The following CAMTA1 variants were observed in gnomAD, a reference collection of about 807,000 sequenced individuals.
The protein encoded by CAMTA1 is calmodulin-binding transcription activator 1.
Under a neutral mutation model 170.9 loss-of-function variants are expected in CAMTA1, and 27 were observed. The observed-to-expected ratio is 0.16, with a 90% CI of 0.12 to 0.22. The LOEUF (loss-of-function observed/expected upper bound fraction) is 0.22, where lower values mean the gene tolerates loss of function less well. Ranked by LOEUF, CAMTA1 falls within the 10% of genes least tolerant of loss-of-function variation. The pLI is 1.00. For synonymous variants in CAMTA1, 833 were observed against 891.5 expected, an observed-to-expected ratio of 0.93 and a Z score of 1.17; for missense variants, 1,619 against 2,217.2, an observed-to-expected ratio of 0.73 and a Z score of 5.42.
chr1:6,896,548 T>G (rs967413931), intron 3 of CAMTA1, among the ~76,000 whole-genome samples: 5 of 152,168 alleles, frequency 3.3e-5, no homozygotes, highest in Non-Finnish European at 7.4e-5. Context: ...ATCTAAACTT[T>G]GGTCAGCCAC....
intron 11 of CAMTA1, among the ~76,000 whole-genome samples, chr1:7,706,324 G>A (rs1247417972): frequency 1.3e-5 from 2 of 152,178 alleles, no homozygotes; most frequent in African/African-American, 4.8e-5. Context: ...TTTTCCACCA[G>A]TGAGGCCAAC....
At chr1:7,373,279 T>C (rs2086613322) in intron 5 of CAMTA1, among the ~76,000 whole-genome samples, 1 of 152,218 alleles carries the variant, frequency 6.6e-6, no homozygotes, top group South Asian at 2.1e-4. Context: ...CTCCAGACTT[T>C]GCTAAATGTC....
intron 11 of CAMTA1, among the ~76,000 whole-genome samples, chr1:7,703,185 G>C (rs1329240548): frequency 6.6e-6 from 1 of 152,180 alleles, no homozygotes; most frequent in Non-Finnish European, 1.5e-5. Context: ...AGCCACTGAG[G>C]GTGGCCAGAT....
chr1:6,803,675 A>C (rs762132495), intron 1 of CAMTA1, among the ~76,000 whole-genome samples: 1 of 152,244 alleles, frequency 6.6e-6, no homozygotes, highest in Non-Finnish European at 1.5e-5. Flanking sequence ...AACAACCTTC[A>C]CAGTGGTTTC....
At chr1:7,654,641 C>G (rs2095868670) in intron 7 of CAMTA1, among the ~76,000 whole-genome samples, 1 of 126,750 alleles carries the variant, frequency 7.9e-6, no homozygotes. Flanking sequence ...TATACACACA[C>G]AAGCACACAC....
chr1:7,179,136 A>G (rs1261942589), intron 4 of CAMTA1, among the ~76,000 whole-genome samples: 1 of 152,256 alleles, frequency 6.6e-6, no homozygotes, highest in Non-Finnish European at 1.5e-5. Context: ...AAATGATGAT[A>G]TGGGTTCTGC....
chr1:7,214,976 G>T lies in CAMTA1; in HGVS notation c.303-34515G>T, dbSNP rs150010825. On this transcript the variant is annotated intron_variant, in intron 4 of 22. Transcript: ENST00000303635. Reference sequence around the variant, plus strand: ...GGCATTTCTGTCAAAAATCAGTTGGGTGTATTTGTGCAGGTCTCTTTCTGG... The same window carrying T: ...GGCATTTCTGTCAAAAATCAGTTGGTTGTATTTGTGCAGGTCTCTTTCTGG... 2.8e-3 allele frequency among the ~76,000 whole-genome samples: 426 copies of T among 152,004 alleles called. 2 individuals carry two copies. Among genetic ancestry groups the T allele is most frequent in the African/African-American group, 9.8e-3 (408 of 41,472 alleles).
intron 7 of CAMTA1, among the ~76,000 whole-genome samples, chr1:7,645,760 G>GGCAA (rs1558048715): frequency 6.7e-6 from 1 of 148,274 alleles, no homozygotes; most frequent in African/African-American, 2.6e-5. Context: ...CTGGGCGGGC[G>GGCAA]GCAGGAGGGC....
rs760292041 is a variant in CAMTA1, at chr1:7,480,253, A to ATGTG, written c.510+12356_510+12359dup. Among the ~76,000 whole-genome samples the ATGTG allele has an allele frequency of 3.9e-4, 27 of 69,242 alleles. No homozygotes were observed. The East Asian group carries it at 8.0e-3, about 20-fold the overall frequency. 45.4% of individuals were successfully genotyped at this position (69,242 alleles called of 152,430 possible). On this transcript the variant is annotated intron_variant, in intron 6 of 22. Transcript: ENST00000303635. ...TGAGTGCATGTGTCCGTGTGTGTGC[A>ATGTG]TGTGTGTATGTGTGTGAGTGCATCT...
At chr1:7,347,400 C>G (rs540019177) in intron 5 of CAMTA1, among the ~76,000 whole-genome samples, 1 of 152,340 alleles carries the variant, frequency 6.6e-6, no homozygotes, top group African/African-American at 2.4e-5. Context: ...TGCCGTCACA[C>G]CAGCCCCAGG....
chr1:6,893,656 T>C (rs1259834657), intron 3 of CAMTA1, among the ~76,000 whole-genome samples: 1 of 152,190 alleles, frequency 6.6e-6, no homozygotes, highest in Non-Finnish European at 1.5e-5. Context: ...TGCATGATCT[T>C]GGAAGAGAGA....
intron 4 of CAMTA1, among the ~76,000 whole-genome samples, chr1:7,103,669 CTA>C (rs1261277887): frequency 1.3e-5 from 2 of 150,554 alleles, no homozygotes; most frequent in Non-Finnish European, 3.0e-5. Context: ...GTACACGCAA[CTA>C]CACACATGCA....
At chr1:6,904,817 T>C (rs1296925129) in intron 3 of CAMTA1, among the ~76,000 whole-genome samples, 2 of 141,322 alleles carry the variant, frequency 1.4e-5, no homozygotes, top group Non-Finnish European at 3.0e-5. Flanking sequence ...GATCTCGAAC[T>C]CCTGAGCTCA....
At chr1:6,829,567 A>G (rs1412589128) in intron 3 of CAMTA1, among the ~76,000 whole-genome samples, 67 of 152,380 alleles carry the variant, frequency 4.4e-4, no homozygotes, top group Non-Finnish European at 4.4e-5. Context: ...CATCCTTTGT[A>G]TGCTAGGCAC....
chr1:7,616,509 T>C (rs1349592035), intron 6 of CAMTA1, among the ~76,000 whole-genome samples: 3 of 152,226 alleles, frequency 2.0e-5, no homozygotes, highest in Admixed American at 6.5e-5. Context: ...GCCAAGTCTC[T>C]TAAAGCAACA....
At chr1:6,988,990 A>G (rs550379361) in intron 3 of CAMTA1, among the ~76,000 whole-genome samples, 11 of 152,290 alleles carry the variant, frequency 7.2e-5, no homozygotes, top group African/African-American at 2.4e-4. Flanking sequence ...TGGTGTCCCA[A>G]TGGGGAGGCC....
chr1:7,181,839 T>A (rs902308290), intron 4 of CAMTA1, among the ~76,000 whole-genome samples: 5 of 152,020 alleles, frequency 3.3e-5, no homozygotes, highest in African/African-American at 1.2e-4. Context: ...TAAGTTTTTT[T>A]ATGGAGCTAC....
chr1:7,193,224 C>T (rs1654877944), intron 4 of CAMTA1, among the ~76,000 whole-genome samples: 1 of 151,774 alleles, frequency 6.6e-6, no homozygotes, highest in Non-Finnish European at 1.5e-5. Context: ...TGGTGGCAGG[C>T]GTCTGTAATC....
At chr1:7,356,983 C>A (rs185351919) in intron 5 of CAMTA1, among the ~76,000 whole-genome samples, 9 of 152,212 alleles carry the variant, frequency 5.9e-5, no homozygotes, top group African/African-American at 1.9e-4. Context: ...TCCCTTCCCC[C>A]CTTCCCTCCC....
Sources: allele counts gnomAD v4.1 joint callset (sites outside exome capture counted in the v4.1 genomes callset), GRCh38; gene constraint gnomAD v4.1.1; transcripts MANE v1.5; gene names NCBI Gene and HGNC (gene_info 2026-07-23, HGNC 2026-07-21).